UMAD1: variants seen among roughly 807,000 people sequenced by gnomAD.
The protein encoded by UMAD1 is UBAP1-MVB12-associated (UMA) domain containing 1.
Under a neutral mutation model 6.1 loss-of-function variants are expected in UMAD1, and 8 were observed. The ratio of observed to expected loss-of-function variants is 1.30; its 90% confidence interval spans 0.76 to 2.35. UMAD1 has a LOEUF of 2.35. Among genes scored for constraint, UMAD1 ranks in the 30% most tolerant of loss-of-function variants. The pLI is 0.00. For synonymous variants in UMAD1, 56 were observed against 31.4 expected (o/e 1.78, Z -2.61); for missense variants, 130 against 78.4 (o/e 1.66, Z -2.49).
At chr7:7,772,390 A>C (rs1782118866) in intron 2 of UMAD1, 1 of 152,222 alleles carries the variant, frequency 6.6e-6, no homozygotes. Context: ...AGGCAGTTTA[A>C]GCTGTTAAAT....
chr7:7,877,358 C>A lies in UMAD1; in HGVS notation c.234C>A (p.Asn78Lys). The A allele has an allele frequency of 1.4e-6, 1 of 717,542 alleles. No homozygotes were observed. The highest frequency in any genetic ancestry group is 2.6e-6 in the Non-Finnish European group (1 of 385,102). 44.4% of individuals were successfully genotyped at this position (717,542 alleles called of 1,614,324 possible). A position where few individuals can be genotyped will look rare whatever the true frequency, so the allele number is the denominator to read the frequency against. Reference protein sequence around the residue: ...MENKAGQTLENSSLMAELLSD... With the variant: ...MENKAGQTLEKSSLMAELLSD... ...ATAAGGCAGGCCAGACTCTGGAGAA[C>A]AGCTCATTAATGGCCGAGCTCCTGA... The change falls in exon 4 of 4, where the codon AAC becomes AAA. Residue 78 changes from asparagine (N) to lysine (K), a missense_variant. Transcript: ENST00000682710.
chr7:7,819,990 A>G (rs1046235201), intron 3 of UMAD1, among the ~76,000 whole-genome samples: 2 of 152,206 alleles, frequency 1.3e-5, no homozygotes, highest in African/African-American at 4.8e-5. Flanking sequence ...TCATATCAAG[A>G]TCAAGCAAAA....
chr7:7,849,242 T>C (rs1439837379), intron 3 of UMAD1, among the ~76,000 whole-genome samples: 2 of 152,206 alleles, frequency 1.3e-5, no homozygotes, highest in African/African-American at 4.8e-5. Flanking sequence ...CCATTTCTTT[T>C]CATTGCGTGC....
chr7:7,790,191 C>T (rs1413525966), intron 2 of UMAD1, among the ~76,000 whole-genome samples: 12 of 152,116 alleles, frequency 7.9e-5, no homozygotes, highest in Non-Finnish European at 4.4e-5. Context: ...GGCCTTTCAC[C>T]AGACTTTTCA....
intron 2 of UMAD1, among the ~76,000 whole-genome samples, chr7:7,769,741 A>G (rs536037469): frequency 6.6e-6 from 1 of 152,346 alleles, no homozygotes; most frequent in East Asian, 1.9e-4. Context: ...TGTTCTGGAA[A>G]TGGTACAGTA....
intron 3 of UMAD1, among the ~76,000 whole-genome samples, chr7:7,803,261 A>T (rs1782838160): frequency 6.6e-6 from 1 of 152,206 alleles, no homozygotes; most frequent in Admixed American, 6.5e-5. Context: ...GGATTGCTTG[A>T]GGCTAGGAGT....
chr7:7,646,480 A>ATTTTTTTTTTTTTT (rs35948027), intron 1 of UMAD1, among the ~76,000 whole-genome samples: 2 of 111,360 alleles, frequency 1.8e-5, no homozygotes, highest in Non-Finnish European at 3.5e-5. Context: ...CTTTCGCTGG[A>ATTTTTTTTTTTTTT]TTTTTTTTTT....
intron 2 of UMAD1, among the ~76,000 whole-genome samples, chr7:7,738,025 A>G (rs1464002617): frequency 6.6e-6 from 1 of 152,230 alleles, no homozygotes; most frequent in African/African-American, 2.4e-5. Flanking sequence ...TTTTCATGTT[A>G]TCAATTGAGA....
At chr7:7,840,492 G>A (rs1289256730) in intron 3 of UMAD1, among the ~76,000 whole-genome samples, 2 of 63,384 alleles carry the variant, frequency 3.2e-5, no homozygotes, top group South Asian at 4.6e-4. Flanking sequence ...ACGTAGCTAC[G>A]TGAATGTTGG....
chr7:7,853,439 A>T (rs1055149650), intron 3 of UMAD1, among the ~76,000 whole-genome samples: 2 of 152,092 alleles, frequency 1.3e-5, no homozygotes, highest in Non-Finnish European at 2.9e-5. Flanking sequence ...CTTCTGATAC[A>T]TGAGCGTGGG....
intron 3 of UMAD1, among the ~76,000 whole-genome samples, chr7:7,814,209 C>T (rs1034140080): frequency 3.9e-5 from 6 of 152,168 alleles, no homozygotes; most frequent in African/African-American, 1.2e-4. Context: ...TGGTCTTGAT[C>T]TCTTGACTTT....
intron 2 of UMAD1, among the ~76,000 whole-genome samples, chr7:7,799,747 TG>T (rs1782761463): frequency 6.6e-6 from 1 of 152,200 alleles, no homozygotes. Flanking sequence ...CCTCATGCAT[TG>T]GTTTTTCCAG....
intron 2 of UMAD1, among the ~76,000 whole-genome samples, chr7:7,684,780 A>G (rs959587674): frequency 2.0e-5 from 3 of 152,232 alleles, no homozygotes; most frequent in African/African-American, 4.8e-5. Flanking sequence ...TCAAACCAAC[A>G]TCTGAGGTAC....
At chr7:7,710,374 A>G (rs1173437857) in intron 2 of UMAD1, among the ~76,000 whole-genome samples, 1 of 152,204 alleles carries the variant, frequency 6.6e-6, no homozygotes, top group Admixed American at 6.5e-5. Context: ...ACAAAAAACA[A>G]AAAAACATAA....
intron 3 of UMAD1, among the ~76,000 whole-genome samples, chr7:7,806,130 A>G (rs527425368): frequency 6.6e-6 from 1 of 152,260 alleles, no homozygotes; most frequent in East Asian, 1.9e-4. Flanking sequence ...CTGCCTATCA[A>G]ATATCTTCCA....
chr7:7,823,911 T>G (rs1341147901), intron 3 of UMAD1, among the ~76,000 whole-genome samples: 1 of 152,130 alleles, frequency 6.6e-6, no homozygotes, highest in Non-Finnish European at 1.5e-5. Context: ...TTTGGTTCAT[T>G]TAGTATTAAA....
At chr7:7,766,155 A>G (rs1781981781) in intron 2 of UMAD1, among the ~76,000 whole-genome samples, 1 of 152,218 alleles carries the variant, frequency 6.6e-6, no homozygotes, top group Non-Finnish European at 1.5e-5. Flanking sequence ...ATTATAATAG[A>G]GCAGCCTTGT....
At chr7:7,854,913 T>C (rs938988047) in intron 3 of UMAD1, among the ~76,000 whole-genome samples, 4 of 152,210 alleles carry the variant, frequency 2.6e-5, no homozygotes, top group Non-Finnish European at 5.9e-5. Context: ...TGGGTAGATA[T>C]ACTTGTCCCA....
chr7:7,849,248 C>T (rs1333669723), intron 3 of UMAD1, among the ~76,000 whole-genome samples: 4 of 152,260 alleles, frequency 2.6e-5, no homozygotes, highest in Admixed American at 6.5e-5. Flanking sequence ...CTTTTCATTG[C>T]GTGCTGCTCC....
Sources: allele counts gnomAD v4.1 joint callset (sites outside exome capture counted in the v4.1 genomes callset), GRCh38; gene constraint gnomAD v4.1.1; transcripts MANE v1.5; gene names NCBI Gene and HGNC (gene_info 2026-07-23, HGNC 2026-07-21).